The following DMD variants were observed in gnomAD, a reference collection of about 807,000 sequenced individuals.
DMD encodes dystrophin.
In DMD, 63 loss-of-function variants were observed where a neutral mutation model predicts 330.1. The ratio of observed to expected loss-of-function variants is 0.19; its 90% CI spans 0.16 to 0.24. The LOEUF is 0.24. DMD is among the 10% of genes least tolerant of loss of function. The pLI, the probability that DMD is intolerant of heterozygous loss-of-function variation, is 1.00. For missense variants in DMD, 3,344 were observed against 2,684.1 expected (o/e 1.25, Z -5.43); for synonymous variants, 1,223 against 959.8 (o/e 1.27, Z -5.07).
At chrX:32,589,665 T>C (rs1033222850) in intron 13 of DMD, among the ~76,000 whole-genome samples, 1 of 111,610 alleles carries the variant, frequency 9.0e-6, no homozygotes, top group African/African-American at 3.3e-5. Context: ...TGATTTATAC[T>C]ACTTGCATTT....
At position 32,844,860 on chromosome X, in the gene DMD, G is replaced by A. The variant is rs1386946939; in HGVS notation, c.187C>T (p.Pro63Ser). The A allele has an allele frequency of 8.3e-7, 1 of 1,204,365 alleles. No individual in the cohort carries two copies. The highest frequency in any genetic ancestry group is 1.8e-5 in the African/African-American group (1 of 56,871). The change falls in exon 4 of 79, where the codon CCA becomes TCA. Residue 63 changes from proline (P) to serine (S), a missense_variant and splice_region_variant. Coordinates refer to ENST00000357033, the MANE Select transcript of DMD (RefSeq NM_004006.3). ...ACTCTTGTGGATCCTTTTTCTTTTG[G>A]CTGAGAACAAAACAAAAGAGTGTTC... ...LLEGLTGQKLPKEKGSTRVHA... is the reference protein window; with the variant it reads ...LLEGLTGQKLSKEKGSTRVHA...
At position 31,478,969 on chromosome X, in the gene DMD, C is replaced by A. The variant is rs201962446; in HGVS notation, c.8668+14G>T. 2.3e-5 allele frequency: 28 copies of A among 1,206,964 alleles called. No individual in the cohort carries two copies. The East Asian group carries it at 7.4e-4, about 32-fold the overall frequency. Reference sequence around the variant, plus strand: ...CTTCTATCAATATGTTATTATAGTTCCACATTCAATTACCTCTGGGCTCCT... The same window carrying A: ...CTTCTATCAATATGTTATTATAGTTACACATTCAATTACCTCTGGGCTCCT... On this transcript the variant is annotated intron_variant, in intron 58 of 78. Coordinates refer to ENST00000357033, the MANE Select transcript of DMD (RefSeq NM_004006.3).
intron 76 of DMD, among the ~76,000 whole-genome samples, chrX:31,143,735 G>C (rs773328399): frequency 3.6e-5 from 4 of 111,535 alleles, no homozygotes; most frequent in Non-Finnish European, 5.6e-5. Flanking sequence ...CGAGTATGCT[G>C]CCTATTCGCC....
At chrX:31,769,504 C>G (rs1410413114) in intron 51 of DMD, among the ~76,000 whole-genome samples, 1 of 111,959 alleles carries the variant, frequency 8.9e-6, no homozygotes, top group Non-Finnish European at 1.9e-5. Context: ...TGCTTTAGAT[C>G]AGCTGTATCC....
At chrX:32,473,270 T>C (rs2040856429) in intron 21 of DMD, among the ~76,000 whole-genome samples, 1 of 110,676 alleles carries the variant, frequency 9.0e-6, no homozygotes, top group Admixed American at 9.7e-5. Context: ...TTGACAGGGG[T>C]AAATAGAAAA....
chrX:31,356,962 G>C (rs1481577850), intron 60 of DMD, among the ~76,000 whole-genome samples: 13 of 92,666 alleles, frequency 1.4e-4, no homozygotes, highest in African/African-American at 5.3e-4. Flanking sequence ...AGAGAGAAAA[G>C]AGGAAAGTTG....
At chrX:31,452,226 G>A (rs1230676946) in intron 59 of DMD, among the ~76,000 whole-genome samples, 1 of 81,717 alleles carries the variant, frequency 1.2e-5, no homozygotes, top group Non-Finnish European at 2.2e-5. Context: ...CCAAATTTGT[G>A]ACATTAAAAA....
At chrX:32,540,219 T>G (rs1294389404) in intron 17 of DMD, among the ~76,000 whole-genome samples, 1 of 111,488 alleles carries the variant, frequency 9.0e-6, no homozygotes, top group Admixed American at 9.6e-5. Context: ...TACCTACGTG[T>G]ACAATAATAT....
At chrX:32,483,383 A>G (rs1423811866) in intron 21 of DMD, among the ~76,000 whole-genome samples, 1 of 106,320 alleles carries the variant, frequency 9.4e-6, no homozygotes, top group Admixed American at 1.0e-4. Context: ...ATGGATGGAG[A>G]GCTGTATGAA....
chrX:32,766,675 CTGAT>C (rs766625218), intron 7 of DMD, among the ~76,000 whole-genome samples: 203 of 111,168 alleles, frequency 1.8e-3, no homozygotes, highest in African/African-American at 6.5e-3. Flanking sequence ...TCTTTCAAAG[CTGAT>C]TTTTCTGATG....
At chrX:33,101,658 A>G (rs2095240914) in intron 1 of DMD, among the ~76,000 whole-genome samples, 1 of 112,145 alleles carries the variant, frequency 8.9e-6, no homozygotes, top group South Asian at 3.7e-4. Context: ...AAGAAGAAAA[A>G]AAAAGAAAGA....
At chrX:32,859,183 C>G (rs1012471591) in intron 2 of DMD, among the ~76,000 whole-genome samples, 1 of 111,103 alleles carries the variant, frequency 9.0e-6, no homozygotes, top group Non-Finnish European at 1.9e-5. Flanking sequence ...AAACGTTTAA[C>G]TCGGCCAGGT....
intron 2 of DMD, among the ~76,000 whole-genome samples, chrX:32,851,230 A>G (rs190677962): frequency 9.1e-6 from 1 of 109,962 alleles, no homozygotes; most frequent in Admixed American, 9.6e-5. Flanking sequence ...AGCCATGTCA[A>G]TGACAAGACC....
In DMD at chrX:33,283,972, C is replaced by T. The variant is rs185452853; in HGVS notation, c.7+55287G>A. Among the ~76,000 whole-genome samples, 648 of 110,664 alleles carry T rather than the reference C, an allele frequency of 5.9e-3. 3 individuals are homozygous for T. Among genetic ancestry groups the T allele is most frequent in the African/African-American group, 0.021 (630 of 30,409 alleles). On this transcript the variant is annotated intron_variant, in intron 1 of 17. Transcript: ENST00000288447. The stretch of plus-strand genomic sequence containing the variant: ...GGCGGAGGTTGCAGTGAGCCAAGAT[C>T]GCGCCACTGCACTCCAGCCTGGGCG...
chrX:31,376,350 C>G (rs12833673), intron 60 of DMD, among the ~76,000 whole-genome samples: 7,263 of 111,855 alleles, frequency 0.065, 200 homozygotes, highest in South Asian at 0.12. Context: ...TAATGATGTG[C>G]TTAGATATCC....
rs1344278425 is a variant in DMD, at chrX:33,262,072, AACTC to A, written c.7+77183_7+77186del. Among the ~76,000 whole-genome samples the A allele has an allele frequency of 2.7e-5, 3 of 111,341 alleles. No individual in the cohort carries two copies. The East Asian group carries it at 8.5e-4, about 31-fold the overall frequency. On this transcript the variant is annotated intron_variant, in intron 1 of 17. Transcript: ENST00000288447. ...TCTCAACAATAAAATTAAAAGATAAAACTCAATAAAAAGAACAAGTAGTTATAAA... is the reference window on the plus strand; with the variant it reads ...TCTCAACAATAAAATTAAAAGATAAAAATAAAAAGAACAAGTAGTTATAAA...
chrX:33,095,943 T>A (rs1385801798), intron 1 of DMD, among the ~76,000 whole-genome samples: 1 of 104,248 alleles, frequency 9.6e-6, no homozygotes, highest in Non-Finnish European at 2.0e-5. Flanking sequence ...GAGTGCTAAA[T>A]CAAACACTAC....
intron 44 of DMD, among the ~76,000 whole-genome samples, chrX:32,045,372 A>G (rs1214308631): frequency 5.1e-5 from 5 of 98,918 alleles, no homozygotes; most frequent in African/African-American, 1.9e-4. Context: ...AATGTGTGGC[A>G]ACCTCCCCCT....
At chrX:32,631,489 A>G (rs1348930081) in intron 11 of DMD, among the ~76,000 whole-genome samples, 1 of 111,999 alleles carries the variant, frequency 8.9e-6, no homozygotes, top group Non-Finnish European at 1.9e-5. Flanking sequence ...GTATTAGGCC[A>G]TTCTCACAAT....
Sources: allele counts gnomAD v4.1 joint callset (sites outside exome capture counted in the v4.1 genomes callset), GRCh38; gene constraint gnomAD v4.1.1; transcripts MANE v1.5; gene names NCBI Gene and HGNC (gene_info 2026-07-23, HGNC 2026-07-21).